PIWIL1: variants seen among roughly 807,000 people sequenced by gnomAD.
The protein encoded by PIWIL1 is piwi-like protein 1.
In PIWIL1, 73 loss-of-function variants were observed where a neutral mutation model predicts 114.4. That is an observed-to-expected ratio of 0.64 (90% CI 0.53 to 0.78). The LOEUF is 0.78. PIWIL1 is among the 30% of genes least tolerant of loss of function. PIWIL1 has a pLI of 0.00. For synonymous variants in PIWIL1, 375 were observed against 369.0 expected (o/e 1.02, Z -0.19); for missense variants, 723 against 1,063.1 (o/e 0.68, Z 4.45).
intron 18 of PIWIL1, among the ~76,000 whole-genome samples, 175 bp from the exon 19 acceptor site, chr12:130,366,958 C>T (rs1179763140): frequency 6.6e-6 from 1 of 152,180 alleles, no homozygotes; most frequent in Non-Finnish European, 1.5e-5. Flanking sequence ...ACCGTTTATC[C>T]GTGGTCTTTA....
At chr12:130,414,105 C>T in the PIWIL1 span, 13 of 1,613,572 alleles carry the variant, frequency 8.1e-6, no homozygotes, top group Middle Eastern at 1.7e-4. Context: ...TGAAGCCGCC[C>T]GCAGGCAGCC....
At chr12:130,418,196 T>C in the PIWIL1 span, among the ~76,000 whole-genome samples, 4 of 152,250 alleles carry the variant, frequency 2.6e-5, no homozygotes, top group Admixed American at 2.6e-4. Context: ...GTTTACATTA[T>C]TGAGATTCAG....
At chr12:130,406,017 A>C in the PIWIL1 span, among the ~76,000 whole-genome samples, 2 of 152,222 alleles carry the variant, frequency 1.3e-5, no homozygotes, top group Admixed American at 1.3e-4. Flanking sequence ...TAACTCAGCA[A>C]AGTTCTATAA....
At chr12:130,424,617 G>C in the PIWIL1 span, 1 of 1,231,824 alleles carries the variant, frequency 8.1e-7, no homozygotes, top group Non-Finnish European at 1.0e-6. This position sits in a 1 kb window ranked among gnomAD's most constrained non-coding sequence, Gnocchi z 9.8. Flanking sequence ...GTGCTTCACC[G>C]GGAACCAGGA....
In PIWIL1 at chr12:130,351,934, TGTG is replaced by T. The variant is rs2073224445; in HGVS notation, c.1044+1971_1044+1973del. Among the ~76,000 whole-genome samples, 6 of 152,318 alleles carry T rather than the reference TGTG, an allele frequency of 3.9e-5. No homozygotes were observed. The South Asian group carries it at 1.2e-3, about 32-fold the overall frequency. The stretch of plus-strand genomic sequence containing the variant: ...ACCCGTGGCCCTGTGTCTGGTGAAG[TGTG>T]GTGATCTTTCTCCATGAGACCCTGC... On this transcript the variant is annotated intron_variant, in intron 9 of 20. Coordinates refer to ENST00000245255, the MANE Select transcript of PIWIL1 (RefSeq NM_004764.5).
At position 130,361,389 on chromosome 12, in the gene PIWIL1, G is replaced by T. The variant is rs1316161156; in HGVS notation, c.1866+9G>T. 6.2e-7 allele frequency: 1 copy of T among 1,613,800 alleles called. No individual in the cohort carries two copies. Among genetic ancestry groups the T allele is most frequent in the Admixed American group, 1.7e-5 (1 of 60,002 alleles). ...GGAGGGTGGACATCCCCGTGAGTTTGATTTAATTGGTAGATGCCGTTTTAA... is the reference window on the plus strand; with the variant it reads ...GGAGGGTGGACATCCCCGTGAGTTTTATTTAATTGGTAGATGCCGTTTTAA... On this transcript the variant is annotated intron_variant, in intron 15 of 20. Coordinates refer to ENST00000245255, the MANE Select transcript of PIWIL1 (RefSeq NM_004764.5).
the PIWIL1 span, among the ~76,000 whole-genome samples, chr12:130,385,133 G>C: frequency 6.6e-6 from 1 of 152,124 alleles, no homozygotes; most frequent in East Asian, 1.9e-4. Context: ...CATTTCCATA[G>C]ATAATGAAGT....
chr12:130,372,843 G>A (rs1318469670), downstream of PIWIL1, among the ~76,000 whole-genome samples: 2 of 152,200 alleles, frequency 1.3e-5, no homozygotes, highest in South Asian at 2.1e-4. Context: ...CGTTTGCAAA[G>A]AGAAGGCTTA....
the PIWIL1 span, among the ~76,000 whole-genome samples, chr12:130,382,403 C>A: frequency 3.0e-3 from 460 of 152,318 alleles, 4 homozygotes; most frequent in African/African-American, 0.011. Context: ...CCTCTGCAGG[C>A]TAAATACTTC....
the PIWIL1 span, among the ~76,000 whole-genome samples, chr12:130,381,853 T>C: frequency 3.3e-5 from 5 of 152,334 alleles, no homozygotes; most frequent in African/African-American, 1.2e-4. Context: ...CTGATAGGTG[T>C]GTAATGGTGT....
the PIWIL1 span, among the ~76,000 whole-genome samples, chr12:130,381,508 C>T: frequency 6.6e-6 from 1 of 152,192 alleles, no homozygotes; most frequent in East Asian, 1.9e-4. Flanking sequence ...TTCTTTTTAG[C>T]ACTGACTAAT....
At chr12:130,346,791 A>T in intron 5 of PIWIL1, 150 bp from the exon 6 acceptor site, 1 of 1,002,376 alleles carries the variant, frequency 1.0e-6, no homozygotes, top group Non-Finnish European at 1.4e-6. Context: ...TAATACACTT[A>T]GCCACTCTTT....
intron 19 of PIWIL1, among the ~76,000 whole-genome samples, chr12:130,367,546 A>G (rs2073693945): frequency 6.6e-6 from 1 of 152,216 alleles, no homozygotes; most frequent in African/African-American, 2.4e-5. Flanking sequence ...GATTGCTTTT[A>G]TATTTTTTAC....
the PIWIL1 span, among the ~76,000 whole-genome samples, chr12:130,392,660 G>A: frequency 9.3e-4 from 41 of 44,248 alleles, no homozygotes; most frequent in Admixed American, 2.3e-3. Context: ...GTGATGACCC[G>A]GTCACCGTCA....
At chr12:130,362,481 G>A (rs895272643) in intron 16 of PIWIL1, among the ~76,000 whole-genome samples, 5 of 152,156 alleles carry the variant, frequency 3.3e-5, no homozygotes, top group African/African-American at 4.8e-5. Flanking sequence ...CCTGGACAGC[G>A]CCTCTGGGTA....
intron 14 of PIWIL1, among the ~76,000 whole-genome samples, chr12:130,358,360 C>T (rs760890704): frequency 7.9e-5 from 12 of 152,106 alleles, no homozygotes; most frequent in Admixed American, 2.0e-4. Flanking sequence ...TAATCTGTAG[C>T]GCAGTTATTA....
intron 1 of PIWIL1, 156 bp downstream of exon 1, chr12:130,338,302 G>T: frequency 3.3e-6 from 1 of 303,526 alleles, no homozygotes; most frequent in South Asian, 2.5e-5. Context: ...GTGCGGGGTC[G>T]AGGTCCCAGG....
the PIWIL1 span, chr12:130,424,174 T>G: frequency 1.6e-6 from 2 of 1,231,942 alleles, no homozygotes; most frequent in Non-Finnish European, 2.0e-6. This position sits in a 1 kb window ranked among gnomAD's most constrained non-coding sequence, Gnocchi z 9.8. Flanking sequence ...GGAGGTGGCT[T>G]TGCGTGGGGG....
downstream of PIWIL1, among the ~76,000 whole-genome samples, chr12:130,374,671 G>A (rs913126015): frequency 6.6e-6 from 1 of 152,158 alleles, no homozygotes; most frequent in African/African-American, 2.4e-5. Flanking sequence ...CTCGTCCATC[G>A]CAGCCTTCCC....
Sources: gnomAD v4.1 joint callset for allele counts (sites outside exome capture counted in the v4.1 genomes callset) on GRCh38, gnomAD v4.1.1 for gene constraint, Gnocchi (gnomAD v3.1) non-coding constraint, MANE v1.5 for transcripts, NCBI Gene and HGNC (gene_info 2026-07-23, HGNC 2026-07-21) for gene names.